Variants in MYT1 observed in about 807,000 individuals in gnomAD.
MYT1 encodes the protein myelin transcription factor 1.
Under a neutral mutation model 123.0 loss-of-function variants are expected in MYT1, and 23 were observed. The observed-to-expected ratio is 0.19, with a 90% CI of 0.13 to 0.26. MYT1 has a LOEUF of 0.26. Among genes scored for constraint, MYT1 ranks in the 10% least tolerant of loss-of-function variants. The pLI, the probability that MYT1 is intolerant of heterozygous loss-of-function variation, is 1.00. For synonymous variants in MYT1, 518 were observed against 575.3 expected (o/e 0.90, Z 1.43); for missense variants, 1,125 against 1,472.5 (o/e 0.76, Z 3.86).
In MYT1 at chr20:64,191,313, TCTCC is replaced by T. The variant is rs1982963313; in HGVS notation, c.-1+1154_-1+1157del. ...CATCACATGTGCTTACAGCCACTGT[TCTCC>T]ACCACCAACCCTCTAATTCTAGAAC... On this transcript the variant is annotated intron_variant, in intron 2 of 22. Transcript: ENST00000328439. The surrounding 1 kb of genome is among the most constrained non-coding windows in gnomAD (Gnocchi z 4.1). 6.6e-6 allele frequency among the ~76,000 whole-genome samples: 1 copy of T among 152,178 alleles called. No homozygotes were observed. The highest frequency in any genetic ancestry group is 2.4e-5 in the African/African-American group (1 of 41,446).
intron 16 of MYT1, among the ~76,000 whole-genome samples, chr20:64,226,691 C>T (rs554376610): frequency 6.6e-6 from 1 of 152,364 alleles, no homozygotes; most frequent in East Asian, 1.9e-4. Flanking sequence ...AACATCCGTG[C>T]TTGTAATATT....
rs1022932016 is a variant in MYT1 at position 64,190,546 on chromosome 20, C to T, written c.-1+386C>T. 3.4e-5 allele frequency among the ~76,000 whole-genome samples: 5 copies of T among 146,374 alleles called. No homozygotes were observed. The South Asian group carries it at 1.1e-3, about 32-fold the overall frequency. On this transcript the variant is annotated intron_variant, in intron 2 of 22. Coordinates refer to ENST00000328439, the MANE Select transcript of MYT1 (RefSeq NM_004535.3). This position sits in a 1 kb window ranked among gnomAD's most constrained non-coding sequence, Gnocchi z 4.1. ...AAAATTAGCCGGGCATGGTGGCATG[C>T]GCCTGTAATCCCAGCTATTTGGGGG...
intron 1 of MYT1, among the ~76,000 whole-genome samples, chr20:64,170,874 TATATATATATAGAGAGAGAGAGAGAGAG>T (rs1396985239): frequency 1.6e-5 from 1 of 62,544 alleles, no homozygotes; most frequent in African/African-American, 7.1e-5. Flanking sequence ...TATATATATA[TATATATATATAGAGAGAGAGAGAGAGAG>T]AGAGAGAGAG....
rs2145705313 is a variant in MYT1, at chr20:64,193,852, C to T, written c.-1+3692C>T. On this transcript the variant is annotated intron_variant, in intron 2 of 22. Transcript: ENST00000328439. This position sits in a 1 kb window ranked among gnomAD's most constrained non-coding sequence, Gnocchi z 4.0. The stretch of plus-strand genomic sequence containing the variant: ...GATTTTTAAAGAATAGTTGTAAGTC[C>T]ATTCTAATTCTCCAGATTTGCTGGC... 6.6e-6 allele frequency among the ~76,000 whole-genome samples: 1 copy of T among 152,120 alleles called. No individual in the cohort carries two copies. The highest frequency in any genetic ancestry group is 1.5e-5 in the Non-Finnish European group (1 of 68,002).
At position 64,213,784 on chromosome 20, in the gene MYT1, T is replaced by C. The variant is rs1445486254; in HGVS notation, c.1631+137T>C. The C allele has an allele frequency of 1.4e-6, 1 of 740,374 alleles. No individual in the cohort carries two copies. The highest frequency in any genetic ancestry group is 2.2e-6 in the Non-Finnish European group (1 of 445,386). The allele number at this position is 740,374 out of a possible 1,614,324, so 45.9% of individuals were successfully genotyped here. A position where few individuals can be genotyped will look rare whatever the true frequency, so the allele number is the denominator to read the frequency against. ...GTACGTGCATGTGAGTGTACGTGCA[T>C]GTGAGTGTGCACATGCCCCGGGCCC... On this transcript the variant is annotated intron_variant, in intron 10 of 22. Coordinates refer to ENST00000328439, the MANE Select transcript of MYT1 (RefSeq NM_004535.3). This position sits in a 1 kb window ranked among gnomAD's most constrained non-coding sequence, Gnocchi z 5.6.
intron 16 of MYT1, among the ~76,000 whole-genome samples, chr20:64,226,024 C>T (rs972134266): frequency 1.3e-5 from 2 of 152,210 alleles, no homozygotes; most frequent in Non-Finnish European, 2.9e-5. Context: ...GTCACTCTGG[C>T]CACCTGAGTG....
intron 12 of MYT1, among the ~76,000 whole-genome samples, chr20:64,219,431 C>T (rs1983931415): frequency 6.6e-6 from 1 of 152,254 alleles, no homozygotes; most frequent in Non-Finnish European, 1.5e-5. Context: ...TGCTGACACA[C>T]TCTCCTTGCT....
chr20:64,169,946 C>A lies in MYT1; in HGVS notation c.-99+5207C>A, dbSNP rs185447622. Among the ~76,000 whole-genome samples the A allele has an allele frequency of 4.6e-5, 7 of 152,262 alleles. No individual in the cohort carries two copies. The East Asian group carries it at 1.4e-3, about 29-fold the overall frequency. ...ATCTAAGATCTTTCCAGCACAGCCT[C>A]CCTCACAGTCCCACCCAGCCCCACC... On this transcript the variant is annotated intron_variant, in intron 1 of 22. Coordinates refer to ENST00000328439, the MANE Select transcript of MYT1 (RefSeq NM_004535.3).
At chr20:64,201,756 G>C (rs184915301) in intron 4 of MYT1, among the ~76,000 whole-genome samples, 1 of 152,190 alleles carries the variant, frequency 6.6e-6, no homozygotes, top group Non-Finnish European at 1.5e-5. Flanking sequence ...CCTGGTGGGG[G>C]CCACACCGTG....
At position 64,212,949 on chromosome 20, in the gene MYT1, G is replaced by A. The variant is rs748019242; in HGVS notation, c.1518-585G>A. On this transcript the variant is annotated intron_variant, in intron 9 of 22. Coordinates refer to ENST00000328439, the MANE Select transcript of MYT1 (RefSeq NM_004535.3). The surrounding 1 kb of genome is among the most constrained non-coding windows in gnomAD (Gnocchi z 6.8). ...TGAAAAGAGGCCAGTTCCCCATTAC[G>A]TCACCTCCCTGGGCTGGCTGAGGGA... Among the ~76,000 whole-genome samples, 7 of 152,154 alleles carry A rather than the reference G, an allele frequency of 4.6e-5. No homozygotes were observed. The highest frequency in any genetic ancestry group is 1.9e-4 in the East Asian group (1 of 5,184).
At chr20:64,178,360 A>T (rs961040115) in intron 1 of MYT1, among the ~76,000 whole-genome samples, 3 of 152,190 alleles carry the variant, frequency 2.0e-5, no homozygotes, top group East Asian at 3.8e-4. Flanking sequence ...CCTCAGACCC[A>T]TTCAGGGGTG....
chr20:64,228,124 TG>T, intron 18 of MYT1, 153 bp downstream of exon 18: 1 of 713,144 alleles, frequency 1.4e-6, no homozygotes. Flanking sequence ...TTCATTTTTA[TG>T]GAAGCTCTCA....
At chr20:64,195,423 T>C (rs1983088233) in intron 2 of MYT1, among the ~76,000 whole-genome samples, 1 of 78,876 alleles carries the variant, frequency 1.3e-5, no homozygotes, top group Admixed American at 1.7e-4. Flanking sequence ...TGAGACGGAG[T>C]CTCACTCTGT....
rs776048097 is a variant in MYT1 at position 64,219,811 on chromosome 20, C to G, written c.2070C>G (p.Ser690Arg). 6.2e-7 allele frequency: 1 copy of G among 1,613,666 alleles called. No homozygotes were observed. Among genetic ancestry groups the G allele is most frequent in the Non-Finnish European group, 8.5e-7 (1 of 1,179,906 alleles). Residue 690 changes from serine (S) to arginine (R), a missense_variant, in exon 13 of 23, where the codon AGC (serine) becomes AGG (arginine). Physicochemically the swap from Ser to Arg is moderately radical, Grantham distance 110. This residue lies in a region of MYT1 where 429 missense variants were observed against 604.1 expected (regional missense o/e 0.71). Coordinates refer to ENST00000328439, the MANE Select transcript of MYT1 (RefSeq NM_004535.3). Reference protein sequence around the residue: ...ENAFPSSSSCSSSPGVKSPDA... With the variant: ...ENAFPSSSSCRSSPGVKSPDA... ...CTTTCCCCAGCAGCAGCAGCTGCAG[C>G]AGCAGCCCCGGTGTGAAGTCTCCCG... is the stretch of plus-strand genomic sequence containing the variant.
intron 1 of MYT1, among the ~76,000 whole-genome samples, chr20:64,169,244 G>A (rs1982172151): frequency 6.6e-6 from 1 of 152,138 alleles, no homozygotes; most frequent in African/African-American, 2.4e-5. Context: ...GGCCCTAGAA[G>A]GTCCCTGAGA....
At chr20:64,188,972 A>G (rs761781534) in intron 1 of MYT1, among the ~76,000 whole-genome samples, 1 of 152,200 alleles carries the variant, frequency 6.6e-6, no homozygotes, top group Admixed American at 6.5e-5. Context: ...TGTCTCCTTG[A>G]CTACCAAATC....
At chr20:64,226,879 C>T (rs563707474) in intron 16 of MYT1, among the ~76,000 whole-genome samples, 27 of 152,372 alleles carry the variant, frequency 1.8e-4, no homozygotes, top group Non-Finnish European at 2.9e-4. Flanking sequence ...TGCTCTGCAG[C>T]AGGTGTGCAA....
intron 10 of MYT1, among the ~76,000 whole-genome samples, chr20:64,214,492 A>G (rs1983780813): frequency 6.6e-6 from 1 of 152,224 alleles, no homozygotes; most frequent in Admixed American, 6.5e-5. Flanking sequence ...AGTAAGTGCC[A>G]CAAATAAGGC....
chr20:64,181,182 T>C (rs1347428715), intron 1 of MYT1, among the ~76,000 whole-genome samples: 1 of 152,122 alleles, frequency 6.6e-6, no homozygotes, highest in Admixed American at 6.5e-5. Context: ...TAAAATTTTA[T>C]AGTGCCGGGC....
Sources: gnomAD v4.1 joint callset for allele counts (sites outside exome capture counted in the v4.1 genomes callset) on GRCh38, gnomAD v4.1.1 for gene constraint, gnomAD v4.1.1 regional missense constraint, Gnocchi (gnomAD v3.1) non-coding constraint, MANE v1.5 for transcripts, NCBI Gene and HGNC (gene_info 2026-07-23, HGNC 2026-07-21) for gene names.